Variants in DCAF17 observed in about 807,000 individuals in gnomAD.
DCAF17 encodes the protein DDB1- and CUL4-associated factor 17.
Under a neutral mutation model 66.0 loss-of-function variants are expected in DCAF17, and 48 were observed. The ratio of observed to expected loss-of-function variants is 0.73; its 90% CI spans 0.58 to 0.92. DCAF17 has a LOEUF of 0.92. Among genes scored for constraint, DCAF17 ranks in the 40% least tolerant of loss-of-function variants. The pLI is 0.00. For synonymous variants in DCAF17, 206 were observed against 214.6 expected (o/e 0.96, Z 0.35); for missense variants, 562 against 622.8 (o/e 0.90, Z 1.04).
chr2:171,451,141 G>A (rs1034367067), intron 5 of DCAF17, among the ~76,000 whole-genome samples: 2 of 151,106 alleles, frequency 1.3e-5, no homozygotes, highest in Non-Finnish European at 2.9e-5. Flanking sequence ...TCCCATACAT[G>A]CTGGGTCTGT....
At chr2:171,444,116 TAGGGGGAA>T (rs1694478007) in intron 3 of DCAF17, among the ~76,000 whole-genome samples, 1 of 152,152 alleles carries the variant, frequency 6.6e-6, no homozygotes, top group South Asian at 2.1e-4. Flanking sequence ...TCAGAGGAGT[TAGGGGGAA>T]TTGGGCTGTG....
chr2:171,478,128 C>T, intron 12 of DCAF17, 58 bp downstream of exon 12: 1 of 1,426,046 alleles, frequency 7.0e-7, no homozygotes, highest in Non-Finnish European at 9.9e-7. Flanking sequence ...TTGTGAATTT[C>T]ATATTAATAC....
intron 8 of DCAF17, among the ~76,000 whole-genome samples, chr2:171,467,012 G>GAT (rs1174326550): frequency 1.3e-5 from 2 of 151,568 alleles, no homozygotes; most frequent in Non-Finnish European, 2.9e-5. Context: ...ATATATTAAA[G>GAT]ATACTACCCT....
At chr2:171,467,728 A>G (rs555023452) in intron 8 of DCAF17, among the ~76,000 whole-genome samples, 11,131 of 73,592 alleles carry the variant, frequency 0.15, 404 homozygotes, top group Non-Finnish European at 0.23. Context: ...AGACTGTCTC[A>G]AAAAAAAAAA....
intron 9 of DCAF17, among the ~76,000 whole-genome samples, chr2:171,469,897 C>T (rs1042505215): frequency 6.6e-6 from 1 of 152,142 alleles, no homozygotes; most frequent in African/African-American, 2.4e-5. Context: ...CCTCAACCTC[C>T]TGGGTTCAAG....
chr2:171,442,950 A>T (rs1694389475), intron 2 of DCAF17, among the ~76,000 whole-genome samples: 1 of 152,072 alleles, frequency 6.6e-6, no homozygotes, highest in South Asian at 2.1e-4. Context: ...ATTAAAAGAG[A>T]CTATTTTTCA....
At chr2:171,459,207 G>A (rs1695437880) in intron 8 of DCAF17, among the ~76,000 whole-genome samples, 1 of 152,134 alleles carries the variant, frequency 6.6e-6, no homozygotes, top group Non-Finnish European at 1.5e-5. Context: ...ACTCGCAAGG[G>A]AGGCTGAGGC....
rs1343476600 is a variant in DCAF17 at position 171,458,441 on chromosome 2, G to T, written c.802G>T (p.Ala268Ser). The T allele has an allele frequency of 1.2e-6, 2 of 1,613,664 alleles. No individual in the cohort carries two copies. Among genetic ancestry groups the T allele is most frequent in the African/African-American group, 2.7e-5 (2 of 74,830 alleles). The change falls in exon 8 of 14, where the codon GCT (alanine) becomes TCT (serine). Residue 268 changes from alanine (A) to serine (S), a missense_variant. Physicochemically the swap from Ala to Ser is moderately conservative, Grantham distance 99. Transcript: ENST00000375255. ...WGGTTGTVGE[A>S]PFGIPCNIKI... Reference sequence around the variant, plus strand: ...TGGGACTACTGGAACTGTAGGAGAGGCTCCTTTTGGCATTCCTTGTAATAT... The same window carrying T: ...TGGGACTACTGGAACTGTAGGAGAGTCTCCTTTTGGCATTCCTTGTAATAT...
Position 171,458,442 on chromosome 2 carries a change from C to G in DCAF17, c.803C>G (p.Ala268Gly). The change falls in exon 8 of 14, where the codon GCT (alanine) becomes GGT (glycine). Residue 268 changes from alanine (A) to glycine (G), a missense_variant. Ala to Gly is a moderately conservative substitution (Grantham distance 60). Transcript: ENST00000375255. ...WGGTTGTVGE[A>G]PFGIPCNIKI... Reference sequence around the variant, plus strand: ...GGGACTACTGGAACTGTAGGAGAGGCTCCTTTTGGCATTCCTTGTAATATT... The same window carrying G: ...GGGACTACTGGAACTGTAGGAGAGGGTCCTTTTGGCATTCCTTGTAATATT... 6.2e-7 allele frequency: 1 copy of G among 1,613,858 alleles called. No homozygotes were observed. The highest frequency in any genetic ancestry group is 8.5e-7 in the Non-Finnish European group (1 of 1,179,888).
intron 2 of DCAF17, among the ~76,000 whole-genome samples, chr2:171,442,806 G>T (rs998598951): frequency 1.3e-5 from 2 of 151,940 alleles, no homozygotes; most frequent in African/African-American, 4.8e-5. Flanking sequence ...CATGAGCCTG[G>T]GAGGTGGAGG....
At chr2:171,477,824 A>T (rs1335309295) in intron 11 of DCAF17, among the ~76,000 whole-genome samples, 163 bp from the exon 12 acceptor site, 1 of 152,208 alleles carries the variant, frequency 6.6e-6, no homozygotes, top group Non-Finnish European at 1.5e-5. Context: ...TCAAAATATG[A>T]AACGGAGGAT....
Position 171,483,020 on chromosome 2 carries a change from GT to G in DCAF17, c.*1909del. The G allele has an allele frequency of 2.2e-6, 1 of 454,138 alleles. No homozygotes were observed. Among genetic ancestry groups the G allele is most frequent in the South Asian group, 1.6e-5 (1 of 64,478 alleles). 28.1% of individuals were successfully genotyped at this position (454,138 alleles called of 1,614,324 possible). ...TAAAAGGAGCAGCTGCTACTGCTTAGTTTCAGCCAGTTGCAACAGTATGTGG... is the reference window on the plus strand; with the variant it reads ...TAAAAGGAGCAGCTGCTACTGCTTAGTTCAGCCAGTTGCAACAGTATGTGG... On this transcript the variant is annotated 3_prime_UTR_variant, in exon 14 of 14. Coordinates refer to ENST00000375255, the MANE Select transcript of DCAF17 (RefSeq NM_025000.4).
intron 1 of DCAF17, 157 bp downstream of exon 1, chr2:171,434,860 T>C (rs1324744044): frequency 3.9e-5 from 46 of 1,178,040 alleles, no homozygotes; most frequent in Non-Finnish European, 5.1e-5. Context: ...TAGGTGGTAA[T>C]AGGGCCACCA....
Position 171,476,857 on chromosome 2 carries a change from C to A in DCAF17, c.1092-3C>A. 6.2e-7 allele frequency: 1 copy of A among 1,610,888 alleles called. No homozygotes were observed. Among genetic ancestry groups the A allele is most frequent in the South Asian group, 1.1e-5 (1 of 90,978 alleles). On this transcript the variant is annotated splice_region_variant and splice_polypyrimidine_tract_variant and intron_variant, in intron 10 of 13. Coordinates refer to ENST00000375255, the MANE Select transcript of DCAF17 (RefSeq NM_025000.4). ...GTTCTCAGAATCCTTTTTCCCTTCTCAGAGTTTTGAAGCTAACTGAAATAG... is the reference window on the plus strand; with the variant it reads ...GTTCTCAGAATCCTTTTTCCCTTCTAAGAGTTTTGAAGCTAACTGAAATAG...
At chr2:171,450,783 G>A (rs979073452) in intron 5 of DCAF17, among the ~76,000 whole-genome samples, 1 of 152,058 alleles carries the variant, frequency 6.6e-6, no homozygotes. Flanking sequence ...ACTGATCTGA[G>A]TTCTTTACCT....
rs1324679932 is a variant in DCAF17 at position 171,483,010 on chromosome 2, C to T, written c.*1896C>T. The stretch of plus-strand genomic sequence containing the variant: ...ATGCCCCAACTAAAAGGAGCAGCTG[C>T]TACTGCTTAGTTTCAGCCAGTTGCA... On this transcript the variant is annotated 3_prime_UTR_variant, in exon 14 of 14. Transcript: ENST00000375255. The T allele has an allele frequency of 2.2e-6, 1 of 453,956 alleles. No individual in the cohort carries two copies. Among genetic ancestry groups the T allele is most frequent in the African/African-American group, 2.0e-5 (1 of 49,984 alleles). 28.1% of individuals were successfully genotyped at this position (453,956 alleles called of 1,614,324 possible). A position where few individuals can be genotyped will look rare whatever the true frequency, so the allele number is the denominator to read the frequency against.
At chr2:171,457,027 A>T (rs1276043842) in intron 6 of DCAF17, among the ~76,000 whole-genome samples, 1 of 152,204 alleles carries the variant, frequency 6.6e-6, no homozygotes, top group Non-Finnish European at 1.5e-5. Context: ...TTGAATAGGA[A>T]TGGTGAGAGT....
Position 171,453,187 on chromosome 2 carries a change from G to A in DCAF17, c.601G>A (p.Val201Ile). ...AVFRVLPFSL[V>I]GILEINKKIF... ...GTTCCGAGTTCTACCTTTTTCACTT[G>A]TAGGGATTCTAGAGATCAACAAAAA... is the stretch of plus-strand genomic sequence containing the variant. Residue 201 changes from valine (V) to isoleucine (I), a missense_variant, in exon 6 of 14, where the codon GTA (valine) becomes ATA (isoleucine). This residue lies in a region of DCAF17 where 348 missense variants were observed against 355.9 expected (regional missense o/e 0.98). Transcript: ENST00000375255. 6.2e-7 allele frequency: 1 copy of A among 1,612,474 alleles called. No homozygotes were observed. The highest frequency in any genetic ancestry group is 1.7e-4 in the Middle Eastern group (1 of 6,060).
chr2:171,481,791 C>T lies in DCAF17; in HGVS notation c.*677C>T, dbSNP rs115798465. 1 of 453,320 alleles carries T rather than the reference C, an allele frequency of 2.2e-6. No homozygotes were observed. The highest frequency in any genetic ancestry group is 6.9e-5 in the East Asian group (1 of 14,396). 28.1% of individuals were successfully genotyped at this position (453,320 alleles called of 1,614,324 possible). A position where few individuals can be genotyped will look rare whatever the true frequency, so the allele number is the denominator to read the frequency against. Reference sequence around the variant, plus strand: ...TCTATATAGGCTAATGTAAAAGATTCCAAGCAAACCTTAAGTGAAATTGTT... The same window carrying T: ...TCTATATAGGCTAATGTAAAAGATTTCAAGCAAACCTTAAGTGAAATTGTT... On this transcript the variant is annotated 3_prime_UTR_variant, in exon 14 of 14. Coordinates refer to ENST00000375255, the MANE Select transcript of DCAF17 (RefSeq NM_025000.4).
Sources: allele counts gnomAD v4.1 joint callset (sites outside exome capture counted in the v4.1 genomes callset), GRCh38; gene constraint gnomAD v4.1.1; regional missense constraint gnomAD v4.1.1; transcripts MANE v1.5; gene names NCBI Gene and HGNC (gene_info 2026-07-23, HGNC 2026-07-21).